UBXN2B: variants seen among roughly 807,000 people sequenced by gnomAD.
The protein encoded by UBXN2B is UBX domain-containing protein 2B.
Under a neutral mutation model 37.5 loss-of-function variants are expected in UBXN2B, and 19 were observed. The observed-to-expected ratio is 0.51, with a 90% CI of 0.35 to 0.74. UBXN2B has a LOEUF of 0.74. Among genes scored for constraint, UBXN2B ranks in the 30% least tolerant of loss-of-function variants. The pLI is 0.01. For missense variants in UBXN2B, 370 were observed against 393.2 expected, an observed-to-expected ratio of 0.94 and a Z score of 0.50; for synonymous variants, 145 against 143.8, an observed-to-expected ratio of 1.01 and a Z score of -0.06.
intron 5 of UBXN2B, 108 bp from the exon 6 acceptor site, chr8:58,439,525 A>G: frequency 7.2e-7 from 1 of 1,392,316 alleles, no homozygotes. Flanking sequence ...AATTTAAGCA[A>G]AAAATTCTGT....
At chr8:58,418,153 A>G (rs1247844304) in intron 2 of UBXN2B, among the ~76,000 whole-genome samples, 1 of 151,438 alleles carries the variant, frequency 6.6e-6, no homozygotes, top group Non-Finnish European at 1.5e-5. Context: ...AGGCACAAGA[A>G]TCGCCTGATC....
chr8:58,424,512 C>G, intron 2 of UBXN2B: 1 of 726,454 alleles, frequency 1.4e-6, no homozygotes, highest in Non-Finnish European at 2.3e-6. Flanking sequence ...CATAAACTTT[C>G]TTGCGAAAGT....
chr8:58,425,920 G>T, intron 2 of UBXN2B: 1 of 1,282,262 alleles, frequency 7.8e-7, no homozygotes, highest in Non-Finnish European at 1.1e-6. Flanking sequence ...TGCGCACAGA[G>T]AGAACAAAAT....
At chr8:58,423,459 G>T (rs1449371951) in intron 2 of UBXN2B, among the ~76,000 whole-genome samples, 5 of 149,562 alleles carry the variant, frequency 3.3e-5, no homozygotes, top group Non-Finnish European at 7.4e-5. Flanking sequence ...TTTTTGACAC[G>T]GAGTCTTGCA....
chr8:58,418,939 T>G (rs77764606), intron 2 of UBXN2B, among the ~76,000 whole-genome samples: 2,961 of 152,340 alleles, frequency 0.019, 62 homozygotes, highest in East Asian at 0.11. Context: ...TTTGAGTTCT[T>G]ATCATAAGAT....
At chr8:58,426,326 C>T in intron 2 of UBXN2B, 1 of 497,404 alleles carries the variant, frequency 2.0e-6, no homozygotes. Context: ...CCTGCCTCAG[C>T]CTCCTGAGTA....
intron 6 of UBXN2B, among the ~76,000 whole-genome samples, chr8:58,441,353 A>G (rs954377716): frequency 1.3e-4 from 18 of 134,384 alleles, no homozygotes; most frequent in Admixed American, 1.1e-3. Context: ...ATCAACATAT[A>G]TATATATATA....
Position 58,433,234 on chromosome 8 carries a change from G to C in UBXN2B, c.414G>C (p.Gln138His). 6.2e-7 allele frequency: 1 copy of C among 1,609,312 alleles called. No individual in the cohort carries two copies. Among genetic ancestry groups the C allele is most frequent in the Middle Eastern group, 1.7e-4 (1 of 6,024 alleles). ...KRSEYIYGEN[Q>H]LQDVQILLKL... ...CTGAATATATCTATGGAGAAAATCAGCTGCAAGATGTAGGTACAATAATCA... is the reference window on the plus strand; with the variant it reads ...CTGAATATATCTATGGAGAAAATCACCTGCAAGATGTAGGTACAATAATCA... The change falls in exon 4 of 8, where the codon CAG (glutamine) becomes CAC (histidine). Residue 138 changes from glutamine (Q) to histidine (H), a missense_variant. By Grantham distance (24) the Gln-to-His change is conservative. This residue lies in a region of UBXN2B where 197 missense variants were observed against 170.2 expected (regional missense o/e 1.16). Coordinates refer to ENST00000399598, the MANE Select transcript of UBXN2B (RefSeq NM_001077619.2).
intron 2 of UBXN2B, chr8:58,426,091 A>G (rs1808076471): frequency 7.2e-7 from 1 of 1,385,650 alleles, no homozygotes; most frequent in Non-Finnish European, 1.0e-6. Context: ...TAACATCTCC[A>G]TTCTTCTCTT....
chr8:58,438,116 G>A (rs1217831860), intron 5 of UBXN2B, among the ~76,000 whole-genome samples: 1 of 152,156 alleles, frequency 6.6e-6, no homozygotes, highest in Admixed American at 6.5e-5. Context: ...TATAGCTTGG[G>A]CCTCCACTCG....
Position 58,430,002 on chromosome 8 carries a change from C to A in UBXN2B, c.189-517C>A, listed in dbSNP as rs16923468. ...TATTTACTTTTAACAAACGCAGGGG[C>A]TTTTAAGGGAGTAGGTCTCTTAAAT... On this transcript the variant is annotated intron_variant, in intron 2 of 7. Transcript: ENST00000399598. 2.2e-3 allele frequency among the ~76,000 whole-genome samples: 341 copies of A among 152,230 alleles called. 11 individuals carry two copies. The East Asian group carries it at 0.054, about 24-fold the overall frequency.
chr8:58,420,135 G>A (rs6982486), intron 2 of UBXN2B, among the ~76,000 whole-genome samples: 105,737 of 152,066 alleles, frequency 0.7, 36,978 homozygotes, highest in East Asian at 0.79. Context: ...GACTCAAGAT[G>A]GATACATCTC....
Position 58,448,351 on chromosome 8 carries a change from T to C in UBXN2B, c.*800T>C, listed in dbSNP as rs1808725580. 1 of 151,926 alleles carries C rather than the reference T, an allele frequency of 6.6e-6. No homozygotes were observed. The highest frequency in any genetic ancestry group is 1.5e-5 in the Non-Finnish European group (1 of 68,008). 9.4% of individuals were successfully genotyped at this position (151,926 alleles called of 1,614,324 possible). The stretch of plus-strand genomic sequence containing the variant: ...ACCATGCCTGGCTAATTTTTGTACT[T>C]TTGCTAGAGACAGCGTTTCTCTGTG... On this transcript the variant is annotated 3_prime_UTR_variant, in exon 8 of 8. Transcript: ENST00000399598.
intron 6 of UBXN2B, among the ~76,000 whole-genome samples, chr8:58,441,207 T>C (rs531558218): frequency 2.6e-5 from 4 of 151,730 alleles, no homozygotes; most frequent in Non-Finnish European, 2.9e-5. Flanking sequence ...TTGCCCAGGC[T>C]GGTCTTGAAT....
chr8:58,415,011 T>A (rs1807738370), intron 1 of UBXN2B, among the ~76,000 whole-genome samples: 1 of 152,158 alleles, frequency 6.6e-6, no homozygotes, highest in Admixed American at 6.5e-5. Flanking sequence ...CTGATTCATT[T>A]TCTATTATGT....
chr8:58,427,949 G>T (rs1368836124), intron 2 of UBXN2B, among the ~76,000 whole-genome samples: 1 of 152,178 alleles, frequency 6.6e-6, no homozygotes, highest in African/African-American at 2.4e-5. Flanking sequence ...ATCCCATTGG[G>T]CAAAGAAACA....
Position 58,445,912 on chromosome 8 carries a change from C to T in UBXN2B, c.677C>T (p.Thr226Ile). 1 of 1,590,214 alleles carries T rather than the reference C, an allele frequency of 6.3e-7. No individual in the cohort carries two copies. The highest frequency in any genetic ancestry group is 8.5e-7 in the Non-Finnish European group (1 of 1,170,930). The change falls in exon 7 of 8, where the codon ACA becomes ATA. Residue 226 changes from threonine (T) to isoleucine (I), a missense_variant. Coordinates refer to ENST00000399598, the MANE Select transcript of UBXN2B (RefSeq NM_001077619.2). ...SGEGQKLGSLTPEIVSTPSSP... is the reference protein window; with the variant it reads ...SGEGQKLGSLIPEIVSTPSSP... The stretch of plus-strand genomic sequence containing the variant: ...GTTTAATTCCTCTTTTTTAGCCTTA[C>T]ACCTGAAATAGTCAGTACACCTTCC...
At chr8:58,426,086 T>C (rs1426735035) in intron 2 of UBXN2B, 2 of 1,385,692 alleles carry the variant, frequency 1.4e-6, no homozygotes, top group Middle Eastern at 2.3e-4. Context: ...CTCAATAACA[T>C]CTCCATTCTT....
intron 1 of UBXN2B, among the ~76,000 whole-genome samples, chr8:58,413,037 T>C (rs940536981): frequency 6.6e-6 from 1 of 152,232 alleles, no homozygotes; most frequent in African/African-American, 2.4e-5. Flanking sequence ...AACAGCTTGC[T>C]TAATGACCAC....
Sources: gnomAD v4.1 joint callset for allele counts (sites outside exome capture counted in the v4.1 genomes callset) on GRCh38, gnomAD v4.1.1 for gene constraint, gnomAD v4.1.1 regional missense constraint, MANE v1.5 for transcripts, NCBI Gene and HGNC (gene_info 2026-07-23, HGNC 2026-07-21) for gene names.